The following COL4A2 variants were observed in gnomAD, a reference collection of about 807,000 sequenced individuals.
COL4A2 encodes the protein collagen alpha-2(IV) chain.
Under a neutral mutation model 200.2 loss-of-function variants are expected in COL4A2, and 99 were observed. The ratio of observed to expected loss-of-function variants is 0.49; its 90% CI spans 0.42 to 0.58. COL4A2 has a LOEUF of 0.58. Among genes scored for constraint, COL4A2 ranks in the 20% least tolerant of loss-of-function variants. The pLI, the probability that COL4A2 is intolerant of heterozygous loss-of-function variation, is 0.00. For synonymous variants in COL4A2, 897 were observed against 900.6 expected (o/e 1.00, Z 0.07); for missense variants, 1,950 against 2,314.1 (o/e 0.84, Z 3.23).
In COL4A2 at chr13:110,434,574, AG is replaced by A. The variant is rs1880802694; in HGVS notation, c.726+135del. 7 of 886,552 alleles carry A rather than the reference AG, an allele frequency of 7.9e-6. No individual in the cohort carries two copies. The South Asian group carries it at 9.4e-5, about 12-fold the overall frequency. 54.9% of individuals were successfully genotyped at this position (886,552 alleles called of 1,614,324 possible). ...TGATCTGCAGACAGACCATTTGCAT[AG>A]GGAAATAATCATTGCAAAGTGCTAG... is the stretch of plus-strand genomic sequence containing the variant. On this transcript the variant is annotated intron_variant, in intron 12 of 47. Coordinates refer to ENST00000360467, the MANE Select transcript of COL4A2 (RefSeq NM_001846.4).
intron 14 of COL4A2, 147 bp from the exon 15 acceptor site, chr13:110,438,471 C>A: frequency 9.2e-7 from 1 of 1,082,064 alleles, no homozygotes; most frequent in Non-Finnish European, 1.4e-6. Context: ...GTGCCCTGCA[C>A]TGCGCCTGAG....
intron 36 of COL4A2, among the ~76,000 whole-genome samples, chr13:110,490,260 T>C (rs561397176): frequency 6.6e-6 from 1 of 152,348 alleles, no homozygotes; most frequent in Admixed American, 6.5e-5. Flanking sequence ...GGCGGCACAG[T>C]GCCTCCCTTC....
In COL4A2 at chr13:110,445,495, G is replaced by C. The variant is rs114518020; in HGVS notation, c.958-334G>C. 7.0e-3 allele frequency among the ~76,000 whole-genome samples: 1,064 copies of C among 152,280 alleles called. 8 individuals are homozygous for C. Among genetic ancestry groups the C allele is most frequent in the African/African-American group, 0.022 (911 of 41,556 alleles). ...GAGACTGACTGCAGCCCACCACAAAGAACATCTGCAGCACAGATGACCCAG... is the reference window on the plus strand; with the variant it reads ...GAGACTGACTGCAGCCCACCACAAACAACATCTGCAGCACAGATGACCCAG... On this transcript the variant is annotated intron_variant, in intron 16 of 47. Coordinates refer to ENST00000360467, the MANE Select transcript of COL4A2 (RefSeq NM_001846.4).
intron 4 of COL4A2, among the ~76,000 whole-genome samples, chr13:110,368,584 G>A (rs551378175): frequency 2.0e-4 from 30 of 152,116 alleles, no homozygotes; most frequent in Middle Eastern, 3.4e-3. Context: ...ATGATTGCTC[G>A]TCTGGACAGC....
chr13:110,484,592 T>G (rs1427291655), intron 32 of COL4A2, among the ~76,000 whole-genome samples: 1 of 152,114 alleles, frequency 6.6e-6, no homozygotes, highest in Non-Finnish European at 1.5e-5. Flanking sequence ...CAAAATGACC[T>G]TCTCACAAAG....
At chr13:110,430,030 A>G in intron 8 of COL4A2, 74 bp downstream of exon 8, 5 of 1,440,156 alleles carry the variant, frequency 3.5e-6, no homozygotes, top group Non-Finnish European at 4.7e-6. Context: ...TTAATTGCCA[A>G]GTGAACTTTG....
chr13:110,476,463 C>T (rs1039923621), intron 29 of COL4A2, among the ~76,000 whole-genome samples: 4 of 152,230 alleles, frequency 2.6e-5, no homozygotes, highest in Admixed American at 1.3e-4. Context: ...CCCTCTTCCT[C>T]GCTGCAGGTT....
At position 110,351,892 on chromosome 13, in the gene COL4A2, G is replaced by T. The variant is rs1321389069; in HGVS notation, c.100-5580G>T. 2.6e-5 allele frequency among the ~76,000 whole-genome samples: 4 copies of T among 152,246 alleles called. No homozygotes were observed. In the South Asian group the frequency reaches 6.2e-4, roughly 24 times the overall value. ...AGGTCTGAAGTTTCCTGGCCAATGC[G>T]CCTGGGAAGCCACTGAGCTGGCTGT... On this transcript the variant is annotated intron_variant, in intron 3 of 47. Coordinates refer to ENST00000360467, the MANE Select transcript of COL4A2 (RefSeq NM_001846.4).
chr13:110,504,155 T>C lies in COL4A2; in HGVS notation c.4293T>C (p.Arg1431=). 6.2e-7 allele frequency: 1 copy of C among 1,614,038 alleles called. No homozygotes were observed. The change falls in exon 45 of 48, where the codon CGT becomes CGC. Residue 1431 remains arginine, a synonymous_variant. Transcript: ENST00000360467. ...PQGPPGEPGF[R]GAPGKAGPQG... ...TTCTTTGGTGGCTTGCAGGTTTCCGTGGGGCTCCAGGGAAAGCTGGGCCCC... is the reference window on the plus strand; with the variant it reads ...TTCTTTGGTGGCTTGCAGGTTTCCGCGGGGCTCCAGGGAAAGCTGGGCCCC...
At chr13:110,428,186 C>T (rs930723748) in intron 6 of COL4A2, among the ~76,000 whole-genome samples, 1 of 152,160 alleles carries the variant, frequency 6.6e-6, no homozygotes, top group Non-Finnish European at 1.5e-5. Flanking sequence ...GATAGACAGT[C>T]ACTCAACTAG....
At chr13:110,445,618 A>G (rs544174660) in intron 16 of COL4A2, among the ~76,000 whole-genome samples, 7 of 152,348 alleles carry the variant, frequency 4.6e-5, no homozygotes, top group African/African-American at 1.7e-4. Context: ...TCCAAGTGTT[A>G]TATTTGGACT....
At chr13:110,496,294 G>A (rs1007699276) in intron 40 of COL4A2, among the ~76,000 whole-genome samples, 4 of 152,240 alleles carry the variant, frequency 2.6e-5, no homozygotes, top group African/African-American at 9.6e-5. Flanking sequence ...GGCTTTTGCT[G>A]GGGTGCAGGG....
intron 4 of COL4A2, among the ~76,000 whole-genome samples, chr13:110,382,023 C>T (rs560684263): frequency 2.3e-4 from 35 of 152,230 alleles, no homozygotes; most frequent in South Asian, 4.1e-4. Flanking sequence ...GAATTTTTCA[C>T]GGTTGCCATA....
intron 4 of COL4A2, among the ~76,000 whole-genome samples, chr13:110,420,303 A>G (rs1880198669): frequency 6.6e-6 from 1 of 152,172 alleles, no homozygotes; most frequent in African/African-American, 2.4e-5. Context: ...GAGAGAAACC[A>G]TATTTAAAAC....
intron 4 of COL4A2, among the ~76,000 whole-genome samples, chr13:110,387,807 T>A (rs1378487774): frequency 6.6e-6 from 1 of 152,198 alleles, no homozygotes; most frequent in African/African-American, 2.4e-5. Flanking sequence ...CCCGCCCAGC[T>A]GCTGCAGCTG....
At chr13:110,370,039 C>G (rs868198957) in intron 4 of COL4A2, among the ~76,000 whole-genome samples, 1 of 152,110 alleles carries the variant, frequency 6.6e-6, no homozygotes, top group African/African-American at 2.4e-5. Flanking sequence ...CTTAAGATTT[C>G]AACTTTACTT....
At chr13:110,325,986 A>T (rs558183910) in intron 3 of COL4A2, among the ~76,000 whole-genome samples, 1 of 152,180 alleles carries the variant, frequency 6.6e-6, no homozygotes, top group African/African-American at 2.4e-5. Flanking sequence ...GGGTTTCGCC[A>T]CGTTGGCCAG....
chr13:110,503,398 A>C lies in COL4A2; in HGVS notation c.4055A>C (p.Gln1352Pro), dbSNP rs1883720095. 6.3e-6 allele frequency: 10 copies of C among 1,599,206 alleles called. No homozygotes were observed. Among genetic ancestry groups the C allele is most frequent in the South Asian group, 1.1e-5 (1 of 89,050 alleles). The change falls in exon 43 of 48, where the codon CAA becomes CCA. Residue 1352 changes from glutamine (Q) to proline (P), a missense_variant. Physicochemically the swap from Gln to Pro is moderately conservative, Grantham distance 76 (BLOSUM62 -1). Coordinates refer to ENST00000360467, the MANE Select transcript of COL4A2 (RefSeq NM_001846.4). ...TGTGTTGCAGGGCCCAGGGGTGAACAAGGCTTCATGGGGAACACTGGACCC... is the reference window on the plus strand; with the variant it reads ...TGTGTTGCAGGGCCCAGGGGTGAACCAGGCTTCATGGGGAACACTGGACCC... ...LPGEKGPRGE[Q>P]GFMGNTGPTG...
chr13:110,433,767 G>T (rs1880770955), intron 11 of COL4A2, among the ~76,000 whole-genome samples: 2 of 152,162 alleles, frequency 1.3e-5, no homozygotes, highest in South Asian at 2.1e-4. Flanking sequence ...TTCTATGCAC[G>T]AATCTTAGAG....
Sources: gnomAD v4.1 joint callset for allele counts (sites outside exome capture counted in the v4.1 genomes callset) on GRCh38, gnomAD v4.1.1 for gene constraint, MANE v1.5 for transcripts, NCBI Gene and HGNC (gene_info 2026-07-23, HGNC 2026-07-21) for gene names.